SLC1A4: variants seen among roughly 807,000 people sequenced by gnomAD.
SLC1A4 encodes neutral amino acid transporter A.
SLC1A4 carries 19 observed loss-of-function variants against 37.7 expected under a neutral mutation model. The ratio of observed to expected loss-of-function variants is 0.50; its 90% CI spans 0.35 to 0.74. The LOEUF (loss-of-function observed/expected upper bound fraction) is 0.74, where lower values mean the gene tolerates loss of function less well. Among genes scored for constraint, SLC1A4 ranks in the 30% least tolerant of loss-of-function variants. The probability of loss-of-function intolerance (pLI) is 0.01; values close to 1 mark genes in which losing one functional copy is unlikely to be tolerated. For synonymous variants in SLC1A4, 299 were observed against 309.8 expected, an observed-to-expected ratio of 0.97 and a Z score of 0.37; for missense variants, 570 against 712.9, an observed-to-expected ratio of 0.80 and a Z score of 2.28.
At position 65,021,235 on chromosome 2, in the gene SLC1A4, C is replaced by A; in HGVS notation, c.*89C>A. On this transcript the variant is annotated 3_prime_UTR_variant, in exon 8 of 8. Coordinates refer to ENST00000234256, the MANE Select transcript of SLC1A4 (RefSeq NM_003038.5). The stretch of plus-strand genomic sequence containing the variant: ...TCATGGACACAGGGCACTGCCCTTG[C>A]CAACTTTTACCCTCCCAAGCAATGC... 9.9e-7 allele frequency: 1 copy of A among 1,008,786 alleles called. No individual in the cohort carries two copies. Among genetic ancestry groups the A allele is most frequent in the Non-Finnish European group, 1.5e-6 (1 of 671,916 alleles). The allele number at this position is 1,008,786 out of a possible 1,614,324, so 62.5% of individuals were successfully genotyped here. A position where few individuals can be genotyped will look rare whatever the true frequency, so the allele number is the denominator to read the frequency against.
chr2:64,996,756 G>A (rs1037534943), intron 1 of SLC1A4, among the ~76,000 whole-genome samples: 2 of 152,196 alleles, frequency 1.3e-5, no homozygotes, highest in South Asian at 2.1e-4. Context: ...GATGCTCAGT[G>A]ACTGGGCATT....
At chr2:64,999,464 C>A (rs1673385281) in intron 1 of SLC1A4, 1 of 152,140 alleles carries the variant, frequency 6.6e-6, no homozygotes, top group South Asian at 2.1e-4. Context: ...TGCTGCATAA[C>A]AAACTACTAC....
At chr2:65,008,868 A>G (rs1558522404) in intron 3 of SLC1A4, among the ~76,000 whole-genome samples, 3 of 152,208 alleles carry the variant, frequency 2.0e-5, no homozygotes, top group Admixed American at 2.0e-4. Flanking sequence ...TATTGTGACT[A>G]TCTCCATTTT....
chr2:65,003,402 C>G lies in SLC1A4; in HGVS notation c.571-551C>G, dbSNP rs145649464. Among the ~76,000 whole-genome samples the G allele has an allele frequency of 4.1e-3, 621 of 152,334 alleles. 4 individuals carry two copies. Among genetic ancestry groups the G allele is most frequent in the Middle Eastern group, 0.01 (3 of 294 alleles). On this transcript the variant is annotated intron_variant, in intron 2 of 7. Transcript: ENST00000234256. ...GACGTCTCACTTCTGATAACTGAGT[C>G]CCCCTGAAGACTCAGTTAGATGATG...
upstream of SLC1A4, among the ~76,000 whole-genome samples, chr2:64,988,797 C>T (rs1477158980): frequency 1.3e-5 from 2 of 152,184 alleles, no homozygotes; most frequent in African/African-American, 4.8e-5. Flanking sequence ...GACGCGACGG[C>T]AGGACCGCCC....
At chr2:64,999,571 G>A (rs996665265) in intron 1 of SLC1A4, 4 of 152,082 alleles carry the variant, frequency 2.6e-5, no homozygotes, top group Non-Finnish European at 4.4e-5. Context: ...TAGGTCCTCT[G>A]CTTCAGAGTC....
chr2:64,997,625 T>C (rs972722378), intron 1 of SLC1A4, among the ~76,000 whole-genome samples: 5 of 152,338 alleles, frequency 3.3e-5, no homozygotes, highest in South Asian at 2.1e-4. Flanking sequence ...AGATTATCCA[T>C]GTTGTTGCGT....
In SLC1A4 at chr2:65,001,525, T is replaced by G. The variant is rs752935207; in HGVS notation, c.570+35T>G. 1.5e-5 allele frequency: 24 copies of G among 1,588,880 alleles called. No homozygotes were observed. In the Admixed American group the frequency reaches 4.0e-4, roughly 27 times the overall value. ...GATACTTTGCTAAAAATATGAAACT[T>G]TGATGGAAGAAATGTACCAATTACT... On this transcript the variant is annotated intron_variant, in intron 2 of 7. Transcript: ENST00000234256.
chr2:64,989,571 T>G lies in SLC1A4; in HGVS notation c.-73T>G. 3.0e-6 allele frequency: 4 copies of G among 1,325,086 alleles called. No individual in the cohort carries two copies. Among genetic ancestry groups the G allele is most frequent in the Non-Finnish European group, 3.9e-6 (4 of 1,022,168 alleles). The allele number at this position is 1,325,086 out of a possible 1,614,324, so 82.1% of individuals were successfully genotyped here. On this transcript the variant is annotated 5_prime_UTR_variant, in exon 1 of 8. Coordinates refer to ENST00000234256, the MANE Select transcript of SLC1A4 (RefSeq NM_003038.5). ...GGAGCACAACTGGCCGACCGACCCA[T>G]TCATTGGGAACCCCGTCTTTTGCCA...
rs576182989 is a variant in SLC1A4, at chr2:65,018,313, T to C, written c.1229+48T>C. The C allele has an allele frequency of 1.0e-5, 16 of 1,575,332 alleles. No homozygotes were observed. The highest frequency in any genetic ancestry group is 2.3e-5 in the South Asian group (2 of 88,872). ...GGCTCAAAACTGAAGGCTTTTCTTG[T>C]GATTTCCTTTGAAAAACCAATCTCA... On this transcript the variant is annotated intron_variant, in intron 6 of 7. Coordinates refer to ENST00000234256, the MANE Select transcript of SLC1A4 (RefSeq NM_003038.5). The surrounding 1 kb of genome is among the most constrained non-coding windows in gnomAD (Gnocchi z 4.3).
rs887092717 is a variant in SLC1A4 at position 65,018,759 on chromosome 2, T to C, written c.1364+80T>C. 3.3e-6 allele frequency: 5 copies of C among 1,521,022 alleles called. No homozygotes were observed. The East Asian group carries it at 6.8e-5, about 21-fold the overall frequency. 94.2% of individuals were successfully genotyped at this position (1,521,022 alleles called of 1,614,324 possible). A position where few individuals can be genotyped will look rare whatever the true frequency, so the allele number is the denominator to read the frequency against. ...GCTTAGCACTGCTGGGCCTGGGCCA[T>C]GCAGAGAAACTTCAGACACACTCCA... is the stretch of plus-strand genomic sequence containing the variant. On this transcript the variant is annotated intron_variant, in intron 7 of 7. Transcript: ENST00000234256. This position sits in a 1 kb window ranked among gnomAD's most constrained non-coding sequence, Gnocchi z 4.3.
At position 65,018,581 on chromosome 2, in the gene SLC1A4, C is replaced by T. The variant is rs145794063; in HGVS notation, c.1266C>T (p.Gly422=). The change falls in exon 7 of 8, where the codon GGC becomes GGT. Residue 422 remains glycine (G), a synonymous_variant. Coordinates refer to ENST00000234256, the MANE Select transcript of SLC1A4 (RefSeq NM_003038.5). This position sits in a 1 kb window ranked among gnomAD's most constrained non-coding sequence, Gnocchi z 4.3. The stretch of plus-strand genomic sequence containing the variant: ...CAGCGTCCAGTGTTGGAGCAGCAGG[C>T]GTGCCAGCTGGAGGGGTCCTCACCA... ...TATASSVGAA[G]VPAGGVLTIA... 71 of 1,614,088 alleles carry T rather than the reference C, an allele frequency of 4.4e-5. No individual in the cohort carries two copies. Among genetic ancestry groups the T allele is most frequent in the Non-Finnish European group, 5.5e-5 (65 of 1,180,044 alleles).
chr2:65,008,155 C>CATT (rs780311773), intron 3 of SLC1A4, among the ~76,000 whole-genome samples: 2 of 152,284 alleles, frequency 1.3e-5, no homozygotes, highest in East Asian at 3.9e-4. Flanking sequence ...GGACTTGGGA[C>CATT]ATTATCAAAA....
At chr2:65,005,032 T>C (rs1449287018) in intron 3 of SLC1A4, among the ~76,000 whole-genome samples, 3 of 152,186 alleles carry the variant, frequency 2.0e-5, no homozygotes, top group Non-Finnish European at 2.9e-5. Context: ...CGGAACAAAA[T>C]AAAGTCTTCC....
chr2:65,012,118 C>G (rs1423637012), intron 4 of SLC1A4, among the ~76,000 whole-genome samples: 1 of 151,408 alleles, frequency 6.6e-6, no homozygotes, highest in East Asian at 1.9e-4. Flanking sequence ...GAGACAGGGT[C>G]TTGCTCTGTC....
chr2:65,002,361 A>G, intron 2 of SLC1A4, among the ~76,000 whole-genome samples: 1 of 151,408 alleles, frequency 6.6e-6, no homozygotes, highest in East Asian at 1.9e-4. Context: ...GTTGCTTCAT[A>G]GCCTGCTGTT....
At chr2:65,009,057 C>A (rs897624755) in intron 3 of SLC1A4, among the ~76,000 whole-genome samples, 3 of 152,108 alleles carry the variant, frequency 2.0e-5, no homozygotes, top group Non-Finnish European at 2.9e-5. Flanking sequence ...ATTGTCCTCA[C>A]AATGAAAAGT....
At chr2:65,013,245 G>A (rs150226380) in intron 4 of SLC1A4, among the ~76,000 whole-genome samples, 70 of 152,230 alleles carry the variant, frequency 4.6e-4, no homozygotes, top group African/African-American at 1.6e-3. Context: ...TTTTTGAGAC[G>A]GAGTTTCACT....
chr2:65,010,007 C>T (rs1437209590), intron 3 of SLC1A4, among the ~76,000 whole-genome samples: 1 of 151,960 alleles, frequency 6.6e-6, no homozygotes, highest in Non-Finnish European at 1.5e-5. Flanking sequence ...TCTCAGCTCA[C>T]TGCAACCTCT....
Sources: allele counts gnomAD v4.1 joint callset (sites outside exome capture counted in the v4.1 genomes callset), GRCh38; gene constraint gnomAD v4.1.1; non-coding constraint Gnocchi (gnomAD v3.1); transcripts MANE v1.5; gene names NCBI Gene and HGNC (gene_info 2026-07-23, HGNC 2026-07-21).